The following SPTB variants were observed in gnomAD, a reference collection of about 807,000 sequenced individuals.
The protein encoded by SPTB is spectrin beta, erythrocytic.
SPTB carries 45 observed loss-of-function variants against 256.2 expected under a neutral mutation model. The observed-to-expected ratio is 0.18, with a 90% CI of 0.14 to 0.23. SPTB has a LOEUF of 0.23. Ranked by LOEUF, SPTB falls within the 10% of genes least tolerant of loss-of-function variation. SPTB has a pLI of 1.00. For synonymous variants in SPTB, 1,231 were observed against 1,243.1 expected (o/e 0.99, Z 0.21); for missense variants, 2,715 against 3,040.4 (o/e 0.89, Z 2.52).
At position 64,801,320 on chromosome 14, in the gene SPTB, C is replaced by T. The variant is rs767726807; in HGVS notation, c.728G>A (p.Arg243His). The T allele has an allele frequency of 1.9e-5, 31 of 1,614,008 alleles. No homozygotes were observed. The East Asian group carries it at 4.5e-4, about 23-fold the overall frequency. ...NLEHAFNVAE[R>H]QLGIIPLLDP... The stretch of plus-strand genomic sequence containing the variant: ...GAGGAGCGGGATGATGCCCAGCTGG[C>T]GCTCAGCCACATTGAATGCGTGCTC... Residue 243 changes from arginine (R) to histidine (H), a missense_variant, in exon 7 of 36, where the codon CGC (arginine) becomes CAC (histidine). This residue lies in a region of SPTB where 416 missense variants were observed against 571.1 expected (regional missense o/e 0.73). Coordinates refer to ENST00000644917, the MANE Select transcript of SPTB (RefSeq NM_001355436.2).
chr14:64,833,154 T>C (rs1312531116), intron 1 of SPTB, among the ~76,000 whole-genome samples: 1 of 152,216 alleles, frequency 6.6e-6, no homozygotes, highest in Non-Finnish European at 1.5e-5. Context: ...TCTCTGGACA[T>C]GTTCTTTGCA....
chr14:64,775,014 C>T lies in SPTB; in HGVS notation c.4842+111G>A. 1 of 1,504,748 alleles carries T rather than the reference C, an allele frequency of 6.6e-7. No homozygotes were observed. The highest frequency in any genetic ancestry group is 9.2e-7 in the Non-Finnish European group (1 of 1,089,098). The allele number at this position is 1,504,748 out of a possible 1,614,324, so 93.2% of individuals were successfully genotyped here. A position where few individuals can be genotyped will look rare whatever the true frequency, so the allele number is the denominator to read the frequency against. On this transcript the variant is annotated intron_variant, in intron 23 of 35. Coordinates refer to ENST00000644917, the MANE Select transcript of SPTB (RefSeq NM_001355436.2). This position sits in a 1 kb window ranked among gnomAD's most constrained non-coding sequence, Gnocchi z 5.0. Reference sequence around the variant, plus strand: ...GTCTGTGGGTTCCTTGTGCCCCTCCCCTGGCCTCACTCCTCACACAGTTGG... The same window carrying T: ...GTCTGTGGGTTCCTTGTGCCCCTCCTCTGGCCTCACTCCTCACACAGTTGG...
chr14:64,851,846 C>T (rs1028525252), intron 1 of SPTB, among the ~76,000 whole-genome samples: 76 of 150,458 alleles, frequency 5.1e-4, no homozygotes, highest in African/African-American at 1.5e-3. Context: ...GGGAACAACA[C>T]GCACTAGGGC....
chr14:64,749,547 G>T lies in SPTB; in HGVS notation c.6820-74C>A. Reference sequence around the variant, plus strand: ...CCTCCCGGGCCAGGCAACAATGGTGGGGGCTCTTGGGACTGCCCCTTCTGA... The same window carrying T: ...CCTCCCGGGCCAGGCAACAATGGTGTGGGCTCTTGGGACTGCCCCTTCTGA... On this transcript the variant is annotated intron_variant, in intron 35 of 35. Transcript: ENST00000644917. The surrounding 1 kb of genome is among the most constrained non-coding windows in gnomAD (Gnocchi z 4.7). 1 of 1,601,760 alleles carries T rather than the reference G, an allele frequency of 6.2e-7. No homozygotes were observed. Among genetic ancestry groups the T allele is most frequent in the Admixed American group, 1.7e-5 (1 of 59,668 alleles).
chr14:64,802,179 C>G lies in SPTB; in HGVS notation c.566+47G>C, dbSNP rs369065941. 1 of 1,572,110 alleles carries G rather than the reference C, an allele frequency of 6.4e-7. No individual in the cohort carries two copies. Among genetic ancestry groups the G allele is most frequent in the East Asian group, 2.2e-5 (1 of 44,670 alleles). On this transcript the variant is annotated intron_variant, in intron 5 of 35. Coordinates refer to ENST00000644917, the MANE Select transcript of SPTB (RefSeq NM_001355436.2). This position sits in a 1 kb window ranked among gnomAD's most constrained non-coding sequence, Gnocchi z 5.1. ...TGGAGATGGCAGTGCTTGTGCGGAGCAAGGGGCTGGTGGTGGATGTGCTAA... is the reference window on the plus strand; with the variant it reads ...TGGAGATGGCAGTGCTTGTGCGGAGGAAGGGGCTGGTGGTGGATGTGCTAA...
chr14:64,854,274 C>CTTTTTTTTTTTTT (rs1206368948), intron 1 of SPTB, among the ~76,000 whole-genome samples: 1 of 73,264 alleles, frequency 1.4e-5, no homozygotes, highest in African/African-American at 5.4e-5. Flanking sequence ...TTTCCAAACT[C>CTTTTTTTTTTTTT]TTTTTTTTTT....
At chr14:64,769,157 A>G in intron 28 of SPTB, 39 bp from the exon 29 acceptor site, 1 of 1,587,686 alleles carries the variant, frequency 6.3e-7, no homozygotes, top group South Asian at 1.1e-5. Flanking sequence ...GGCTTGGCTC[A>G]CCCTTCACCA....
chr14:64,828,398 T>C (rs911625932), intron 1 of SPTB, among the ~76,000 whole-genome samples: 1 of 152,186 alleles, frequency 6.6e-6, no homozygotes, highest in Non-Finnish European at 1.5e-5. Flanking sequence ...GACTGGCCCA[T>C]CAGCCTTCTA....
chr14:64,856,754 G>A (rs2083881198), intron 1 of SPTB, among the ~76,000 whole-genome samples: 1 of 152,240 alleles, frequency 6.6e-6, no homozygotes, highest in South Asian at 2.1e-4. Flanking sequence ...AAGGGCGGGA[G>A]TCCTCAAGAA....
intron 15 of SPTB, among the ~76,000 whole-genome samples, chr14:64,788,327 G>C (rs2082609253): frequency 2.6e-5 from 4 of 152,236 alleles, no homozygotes; most frequent in Non-Finnish European, 5.9e-5. Flanking sequence ...GAGGGACTAG[G>C]AGATGGACTG....
At position 64,851,204 on chromosome 14, in the gene SPTB, G is replaced by A. The variant is rs78793932; in HGVS notation, c.-51-28059C>T. Among the ~76,000 whole-genome samples, 40 of 152,334 alleles carry A rather than the reference G, an allele frequency of 2.6e-4. 1 individual carries two copies. In the East Asian group the frequency reaches 7.7e-3, roughly 29 times the overall value. ...TGTTATTTCCGCTAGTGGAAACGCA[G>A]TACAAGGATTAAGAGGCAGGGCTAT... On this transcript the variant is annotated intron_variant, in intron 1 of 35. Transcript: ENST00000644917.
chr14:64,762,629 TTCAGCCCTAGCGAGATAC>T (rs758526710), intron 32 of SPTB, among the ~76,000 whole-genome samples: 145 of 152,324 alleles, frequency 9.5e-4, no homozygotes, highest in Middle Eastern at 6.8e-3. Context: ...AGCTCCTACG[TTCAGCCCTAGCGAGATAC>T]TCAGTCCCTT....
rs144419770 is a variant in SPTB at position 64,763,825 on chromosome 14, C to T, written c.6345+2901G>A. 111 of 518,958 alleles carry T rather than the reference C, an allele frequency of 2.1e-4. No individual in the cohort carries two copies. In the East Asian group the frequency reaches 5.8e-3, roughly 27 times the overall value. 32.1% of individuals were successfully genotyped at this position (518,958 alleles called of 1,614,324 possible). ...TAAAAAGGCAAGAGGTGAGGGAAGG[C>T]GGTGGGACCGTGCAGTGATGTGCTT... On this transcript the variant is annotated intron_variant, in intron 32 of 35. Coordinates refer to ENST00000644917, the MANE Select transcript of SPTB (RefSeq NM_001355436.2).
chr14:64,862,480 C>T (rs1455519090), intron 1 of SPTB, among the ~76,000 whole-genome samples: 1 of 151,792 alleles, frequency 6.6e-6, no homozygotes, highest in Non-Finnish European at 1.5e-5. Context: ...CAGTGAGACC[C>T]CATCTCTGTA....
chr14:64,770,762 A>G (rs2082267616), intron 27 of SPTB, 123 bp downstream of exon 27: 1 of 1,486,560 alleles, frequency 6.7e-7, no homozygotes, highest in Non-Finnish European at 9.3e-7. Flanking sequence ...TCCCCCAGGG[A>G]TTTTCATGGA....
chr14:64,802,111 G>T lies in SPTB; in HGVS notation c.566+115C>A. 1.9e-6 allele frequency: 2 copies of T among 1,039,166 alleles called. No homozygotes were observed. The highest frequency in any genetic ancestry group is 1.3e-5 in the South Asian group (1 of 75,424). 64.4% of individuals were successfully genotyped at this position (1,039,166 alleles called of 1,614,324 possible). A position where few individuals can be genotyped will look rare whatever the true frequency, so the allele number is the denominator to read the frequency against. On this transcript the variant is annotated intron_variant, in intron 5 of 35. Transcript: ENST00000644917. This position sits in a 1 kb window ranked among gnomAD's most constrained non-coding sequence, Gnocchi z 5.1. ...CAGGACAGACTTTGCATCAATTACA[G>T]GGAGGCAGCTGTAGTTCTGGGTGAT... is the stretch of plus-strand genomic sequence containing the variant.
In SPTB at chr14:64,823,748, C is replaced by G. The variant is rs1244202745; in HGVS notation, c.-51-603G>C. On this transcript the variant is annotated intron_variant, in intron 1 of 35. Coordinates refer to ENST00000644917, the MANE Select transcript of SPTB (RefSeq NM_001355436.2). The surrounding 1 kb of genome is among the most constrained non-coding windows in gnomAD (Gnocchi z 6.5). The stretch of plus-strand genomic sequence containing the variant: ...TTTCTGAGAGCCCTCTGAGTTCCTT[C>G]CCAGCAGTTGGTATTCAGAAAGCTG... Among the ~76,000 whole-genome samples the G allele has an allele frequency of 6.6e-6, 1 of 152,176 alleles. No individual in the cohort carries two copies. Among genetic ancestry groups the G allele is most frequent in the Non-Finnish European group, 1.5e-5 (1 of 68,036 alleles).
chr14:64,820,563 C>T (rs2269292), intron 2 of SPTB, among the ~76,000 whole-genome samples: 2 of 152,194 alleles, frequency 1.3e-5, no homozygotes, highest in Non-Finnish European at 2.9e-5. Flanking sequence ...GTGGCTTTTC[C>T]TCTCCCTGGG....
At chr14:64,830,686 G>A (rs976228964) in intron 1 of SPTB, among the ~76,000 whole-genome samples, 2 of 152,024 alleles carry the variant, frequency 1.3e-5, no homozygotes, top group Non-Finnish European at 1.5e-5. Context: ...CTCTGTCCGT[G>A]CTCAGCCCCT....
Sources: allele counts gnomAD v4.1 joint callset (sites outside exome capture counted in the v4.1 genomes callset), GRCh38; gene constraint gnomAD v4.1.1; regional missense constraint gnomAD v4.1.1; non-coding constraint Gnocchi (gnomAD v3.1); transcripts MANE v1.5; gene names NCBI Gene and HGNC (gene_info 2026-07-23, HGNC 2026-07-21).